ASTN2: variants seen among roughly 807,000 people sequenced by gnomAD.
ASTN2 encodes the protein astrotactin 2.
ASTN2 carries 54 observed loss-of-function variants against 139.8 expected under a neutral mutation model. The observed-to-expected ratio is 0.39, with a 90% CI of 0.31 to 0.48. The LOEUF is 0.48. ASTN2 is among the 20% of genes least tolerant of loss of function. ASTN2 has a pLI of 0.95. For synonymous variants in ASTN2, 756 were observed against 719.5 expected (o/e 1.05, Z -0.81); for missense variants, 1,565 against 1,725.1 (o/e 0.91, Z 1.64).
rs397893932 is a variant in ASTN2, at chr9:116,801,585, CAAAAAAA to C, written c.2396+4040_2396+4046del. ...CAGGCAACAGTGTGAGGCTCTGTCT[CAAAAAAA>C]AAAAAAAAAAAAAAAAAAAAAGAAA... On this transcript the variant is annotated intron_variant, in intron 13 of 22. Transcript: ENST00000313400. Among the ~76,000 whole-genome samples, 451 of 60,408 alleles carry C rather than the reference CAAAAAAA, an allele frequency of 7.5e-3. 6 individuals are homozygous for C. Among genetic ancestry groups the C allele is most frequent in the African/African-American group, 0.026 (423 of 16,552 alleles). 39.6% of individuals were successfully genotyped at this position (60,408 alleles called of 152,430 possible). A position where few individuals can be genotyped will look rare whatever the true frequency, so the allele number is the denominator to read the frequency against.
At chr9:116,476,022 G>T (rs1342519357) in intron 20 of ASTN2, among the ~76,000 whole-genome samples, 1 of 152,144 alleles carries the variant, frequency 6.6e-6, no homozygotes, top group Non-Finnish European at 1.5e-5. Context: ...AAATTTGGTG[G>T]CTTAAAACAA....
chr9:116,867,418 C>A (rs762377369), intron 10 of ASTN2, among the ~76,000 whole-genome samples: 1 of 151,478 alleles, frequency 6.6e-6, no homozygotes, highest in Non-Finnish European at 1.5e-5. Context: ...GGCGTGGTGG[C>A]GGGTGCCTGT....
intron 10 of ASTN2, among the ~76,000 whole-genome samples, chr9:116,868,549 T>C (rs1833075771): frequency 6.6e-6 from 1 of 152,182 alleles, no homozygotes; most frequent in South Asian, 2.1e-4. Context: ...TCCTGGGCCA[T>C]GCATGTGGTC....
At chr9:116,727,041 C>T (rs1588243243) in intron 15 of ASTN2, among the ~76,000 whole-genome samples, 1 of 150,080 alleles carries the variant, frequency 6.7e-6, no homozygotes, top group East Asian at 1.9e-4. Flanking sequence ...CACACACACA[C>T]ACACACACAC....
chr9:117,164,573 T>A (rs1256901261), intron 3 of ASTN2, among the ~76,000 whole-genome samples: 1 of 152,086 alleles, frequency 6.6e-6, no homozygotes, highest in East Asian at 1.9e-4. Context: ...CCCCTCCAGG[T>A]AGCCAGCAGG....
intron 1 of ASTN2, among the ~76,000 whole-genome samples, chr9:117,301,623 G>A (rs994919862): frequency 3.9e-5 from 6 of 152,144 alleles, no homozygotes; most frequent in Admixed American, 2.6e-4. Flanking sequence ...TAAAGAGATC[G>A]AGGAATCAAG....
chr9:116,852,282 T>C (rs1255863852), intron 11 of ASTN2, among the ~76,000 whole-genome samples: 2 of 152,178 alleles, frequency 1.3e-5, no homozygotes, highest in Admixed American at 1.3e-4. Context: ...TATTGTAAGG[T>C]GCAGGGATCA....
chr9:117,376,538 G>C (rs1321162210), intron 1 of ASTN2, among the ~76,000 whole-genome samples: 1 of 152,172 alleles, frequency 6.6e-6, no homozygotes, highest in East Asian at 1.9e-4. Flanking sequence ...AAATATTTAG[G>C]GGTTAGCTGA....
intron 11 of ASTN2, among the ~76,000 whole-genome samples, chr9:116,847,041 CAAAAA>C (rs1265504130): frequency 8.1e-6 from 1 of 123,576 alleles, no homozygotes; most frequent in Non-Finnish European, 1.7e-5. Context: ...AAACAAAAAA[CAAAAA>C]ACAAAAAAAA....
intron 17 of ASTN2, among the ~76,000 whole-genome samples, chr9:116,642,676 A>G (rs1398408902): frequency 2.0e-5 from 3 of 152,220 alleles, no homozygotes; most frequent in African/African-American, 7.2e-5. Flanking sequence ...ATGAGCATCC[A>G]AAGATCCTAT....
chr9:116,871,934 G>A (rs1833176727), intron 10 of ASTN2, among the ~76,000 whole-genome samples: 1 of 152,146 alleles, frequency 6.6e-6, no homozygotes, highest in Admixed American at 6.5e-5. Context: ...CCCTGAGGAG[G>A]AATCCCAGCT....
intron 16 of ASTN2, among the ~76,000 whole-genome samples, chr9:116,684,536 T>C (rs1860081214): frequency 6.6e-6 from 1 of 152,180 alleles, no homozygotes; most frequent in South Asian, 2.1e-4. Context: ...TAGGACTCAT[T>C]ATTTACCTTA....
chr9:117,225,329 G>T (rs899505413), intron 2 of ASTN2, among the ~76,000 whole-genome samples: 3 of 151,578 alleles, frequency 2.0e-5, no homozygotes, highest in South Asian at 2.1e-4. Flanking sequence ...AAGTTCTGTC[G>T]CAAATCCCAC....
At chr9:116,831,938 T>C (rs1293758537) in intron 11 of ASTN2, among the ~76,000 whole-genome samples, 1 of 152,198 alleles carries the variant, frequency 6.6e-6, no homozygotes, top group Admixed American at 6.5e-5. Flanking sequence ...CTTTGATTTC[T>C]TTCACGAGTA....
At chr9:116,673,357 T>C (rs947433821) in intron 16 of ASTN2, among the ~76,000 whole-genome samples, 2 of 152,212 alleles carry the variant, frequency 1.3e-5, no homozygotes, top group African/African-American at 2.4e-5. Flanking sequence ...ACTATTGTTA[T>C]CCCTATTTTA....
intron 5 of ASTN2, among the ~76,000 whole-genome samples, chr9:117,072,243 C>A (rs1828156639): frequency 6.6e-6 from 1 of 152,178 alleles, no homozygotes; most frequent in Non-Finnish European, 1.5e-5. Context: ...TTTGGAATAG[C>A]ACACATCCTT....
intron 20 of ASTN2, among the ~76,000 whole-genome samples, chr9:116,467,502 T>A (rs1848686085): frequency 6.6e-6 from 1 of 152,206 alleles, no homozygotes; most frequent in Non-Finnish European, 1.5e-5. Flanking sequence ...CTTGACCTCG[T>A]GATCCGCCTG....
chr9:116,457,275 C>T (rs912907724), intron 20 of ASTN2, among the ~76,000 whole-genome samples: 2 of 152,076 alleles, frequency 1.3e-5, no homozygotes, highest in Admixed American at 6.6e-5. Flanking sequence ...GGGAAACTCT[C>T]CAGGACATTG....
At chr9:116,630,194 C>T (rs1856677542) in intron 17 of ASTN2, among the ~76,000 whole-genome samples, 1 of 152,038 alleles carries the variant, frequency 6.6e-6, no homozygotes, top group South Asian at 2.1e-4. Context: ...GAGACTGAGG[C>T]CCCAGAGAGT....
Sources: gnomAD v4.1 joint callset for allele counts (sites outside exome capture counted in the v4.1 genomes callset) on GRCh38, gnomAD v4.1.1 for gene constraint, MANE v1.5 for transcripts, NCBI Gene and HGNC (gene_info 2026-07-23, HGNC 2026-07-21) for gene names.